Variants in FBN1 observed in about 807,000 individuals in gnomAD.
FBN1 encodes the protein fibrillin-1.
FBN1 carries 29 observed loss-of-function variants against 365.1 expected under a neutral mutation model. The observed-to-expected ratio is 0.08, with a 90% CI of 0.06 to 0.11. FBN1 has a LOEUF of 0.11. Ranked by LOEUF, FBN1 falls within the 10% of genes least tolerant of loss-of-function variation. The probability of loss-of-function intolerance (pLI) is 1.00; values close to 1 mark genes in which losing one functional copy is unlikely to be tolerated. For synonymous variants in FBN1, 1,210 were observed against 1,270.5 expected (o/e 0.95, Z 1.01); for missense variants, 2,476 against 3,703.2 (o/e 0.67, Z 8.60).
At chr15:48,591,902 G>T (rs931230422) in intron 6 of FBN1, among the ~76,000 whole-genome samples, 2 of 152,172 alleles carry the variant, frequency 1.3e-5, no homozygotes, top group African/African-American at 4.8e-5. Context: ...CTAGGTTCAG[G>T]CCTCTATTTT....
intron 4 of FBN1, among the ~76,000 whole-genome samples, chr15:48,603,832 G>C (rs192538262): frequency 9.8e-5 from 15 of 152,286 alleles, no homozygotes; most frequent in African/African-American, 3.4e-4. Flanking sequence ...GAGTGTCCTA[G>C]GGTCCCAGTG....
At chr15:48,612,938 T>G (rs528754760) in intron 3 of FBN1, 72 bp downstream of exon 3, 4 of 1,133,660 alleles carry the variant, frequency 3.5e-6, no homozygotes, top group East Asian at 2.3e-5. Flanking sequence ...AAAGGCCACA[T>G]TCTAAGGCTC....
rs374522439 is a variant in FBN1, at chr15:48,589,993, T to C, written c.538+6290A>G. Among the ~76,000 whole-genome samples, 11 of 152,182 alleles carry C rather than the reference T, an allele frequency of 7.2e-5. No individual in the cohort carries two copies. In the South Asian group the frequency reaches 2.3e-3, roughly 32 times the overall value. ...CTTCAGTGTAGTTTAGTAATGACAGTTTACTGCCTTTTGCTTTTGGAAAGA... is the reference window on the plus strand; with the variant it reads ...CTTCAGTGTAGTTTAGTAATGACAGCTTACTGCCTTTTGCTTTTGGAAAGA... On this transcript the variant is annotated intron_variant, in intron 6 of 65. Coordinates refer to ENST00000316623, the MANE Select transcript of FBN1 (RefSeq NM_000138.5).
rs753900024 is a variant in FBN1 at position 48,600,222 on chromosome 15, T to A, written c.359A>T (p.Asn120Ile). ...SCGSRSIQHC[N>I]IRCMNGGSCS... Reference sequence around the variant, plus strand: ...GCTACCTCCATTCATACAGCGAATATTGCAGTGTTGTACTTGAAAAAAAAG... The same window carrying A: ...GCTACCTCCATTCATACAGCGAATAATGCAGTGTTGTACTTGAAAAAAAAG... Residue 120 changes from asparagine (N) to isoleucine (I), a missense_variant, in exon 5 of 66, where the codon AAT becomes ATT. Coordinates refer to ENST00000316623, the MANE Select transcript of FBN1 (RefSeq NM_000138.5). 2 of 1,613,500 alleles carry A rather than the reference T, an allele frequency of 1.2e-6. No homozygotes were observed. Among genetic ancestry groups the A allele is most frequent in the African/African-American group, 2.7e-5 (2 of 74,890 alleles).
chr15:48,424,543 G>GA (rs532001710), intron 60 of FBN1, among the ~76,000 whole-genome samples: 165 of 152,010 alleles, frequency 1.1e-3, no homozygotes, highest in African/African-American at 3.7e-3. Flanking sequence ...AGCTTTATGA[G>GA]AAAAAATAGG....
At chr15:48,625,300 C>A (rs1002636481) in intron 2 of FBN1, among the ~76,000 whole-genome samples, 2 of 152,146 alleles carry the variant, frequency 1.3e-5, no homozygotes, top group Admixed American at 1.3e-4. Context: ...GGTCTGGGAA[C>A]CTGACCACAA....
In FBN1 at chr15:48,472,619, G is replaced by A. The variant is rs2043385843; in HGVS notation, c.4268C>T (p.Ala1423Val). 6.2e-7 allele frequency: 1 copy of A among 1,614,094 alleles called. No homozygotes were observed. Among genetic ancestry groups the A allele is most frequent in the Non-Finnish European group, 8.5e-7 (1 of 1,180,046 alleles). The change falls in exon 35 of 66, where the codon GCA (alanine) becomes GTA (valine). Residue 1423 changes from alanine to valine, a missense_variant. Physicochemically the swap from Ala to Val is moderately conservative, Grantham distance 64 (BLOSUM62 0). Around this residue, in one of 5 missense-constraint regions of FBN1, gnomAD observed 1,780 missense variants for 2,840.8 expected, o/e 0.63. Coordinates refer to ENST00000316623, the MANE Select transcript of FBN1 (RefSeq NM_000138.5). ...GCATTCACAGCGGTATCCTCCTGGT[G>A]CATTGAGGCACTGGCCATTGCCACA... ...NLCGNGQCLN[A>V]PGGYRCECDM...
At chr15:48,503,446 G>A (rs532204270) in intron 17 of FBN1, among the ~76,000 whole-genome samples, 12 of 152,236 alleles carry the variant, frequency 7.9e-5, no homozygotes, top group Admixed American at 2.0e-4. Context: ...TTACTTTTAC[G>A]CTGTGTAAAA....
chr15:48,523,670 T>C (rs1379362394), intron 9 of FBN1, among the ~76,000 whole-genome samples: 1 of 150,668 alleles, frequency 6.6e-6, no homozygotes, highest in Non-Finnish European at 1.5e-5. Flanking sequence ...AGCCTGAAGT[T>C]TTTCACTTCG....
intron 10 of FBN1, among the ~76,000 whole-genome samples, chr15:48,520,139 A>G (rs566001026): frequency 6.6e-6 from 1 of 152,274 alleles, no homozygotes; most frequent in African/African-American, 2.4e-5. Context: ...GGTGGATTTC[A>G]GAGACTAGTT....
intron 44 of FBN1, 22 bp downstream of exon 44, chr15:48,456,614 GA>G: frequency 6.2e-7 from 1 of 1,612,200 alleles, no homozygotes; most frequent in Non-Finnish European, 8.5e-7. Context: ...TTCTGGATAT[GA>G]TAAAGTCATG....
chr15:48,550,276 C>G (rs1391135258), intron 6 of FBN1, among the ~76,000 whole-genome samples: 1 of 152,200 alleles, frequency 6.6e-6, no homozygotes, highest in Non-Finnish European at 1.5e-5. Context: ...GCAGGAAGGG[C>G]AGAGCGTGTA....
At chr15:48,611,363 C>T (rs776154763) in intron 3 of FBN1, among the ~76,000 whole-genome samples, 1 of 152,118 alleles carries the variant, frequency 6.6e-6, no homozygotes, top group Non-Finnish European at 1.5e-5. Flanking sequence ...CAGGTTCATG[C>T]CATTCTCCTG....
At chr15:48,473,266 A>T (rs116649781) in intron 34 of FBN1, among the ~76,000 whole-genome samples, 222 of 152,342 alleles carry the variant, frequency 1.5e-3, no homozygotes, top group African/African-American at 4.9e-3. Context: ...AATAAAAAAA[A>T]ATTCCAGGTA....
intron 45 of FBN1, among the ~76,000 whole-genome samples, chr15:48,451,053 C>T (rs2043197633): frequency 6.6e-6 from 1 of 152,214 alleles, no homozygotes; most frequent in Admixed American, 6.5e-5. Flanking sequence ...ATGATGCTCA[C>T]TCACAACACT....
At chr15:48,440,836 A>C (rs1433659676) in intron 50 of FBN1, among the ~76,000 whole-genome samples, 2 of 151,596 alleles carry the variant, frequency 1.3e-5, no homozygotes, top group Admixed American at 1.3e-4. Context: ...AATTTTTTGA[A>C]CCTTAAATGA....
chr15:48,489,200 ATTTTTTTTTTT>A (rs756179079), intron 25 of FBN1, among the ~76,000 whole-genome samples: 4 of 48,450 alleles, frequency 8.3e-5, no homozygotes, highest in East Asian at 7.2e-4. Flanking sequence ...ATGCCTAGAT[ATTTTTTTTTTT>A]TTTTTTTTTT....
intron 6 of FBN1, among the ~76,000 whole-genome samples, chr15:48,564,121 G>T (rs1210492361): frequency 6.6e-6 from 1 of 152,128 alleles, no homozygotes; most frequent in African/African-American, 2.4e-5. Flanking sequence ...GTAATGTTTG[G>T]TATGGGAGGC....
intron 45 of FBN1, among the ~76,000 whole-genome samples, chr15:48,450,498 GT>G (rs1478972985): frequency 3.9e-5 from 6 of 152,216 alleles, no homozygotes; most frequent in Non-Finnish European, 8.8e-5. Context: ...CATATTTGAG[GT>G]TGGGATAGGA....
Sources: allele counts gnomAD v4.1 joint callset (sites outside exome capture counted in the v4.1 genomes callset), GRCh38; gene constraint gnomAD v4.1.1; regional missense constraint gnomAD v4.1.1; transcripts MANE v1.5; gene names NCBI Gene and HGNC (gene_info 2026-07-23, HGNC 2026-07-21).